The following FNDC3A variants were observed in gnomAD, a reference collection of about 807,000 sequenced individuals.
FNDC3A encodes fibronectin type-III domain-containing protein 3A.
Under a neutral mutation model 148.9 loss-of-function variants are expected in FNDC3A, and 32 were observed. The ratio of observed to expected loss-of-function variants is 0.21; its 90% CI spans 0.16 to 0.29. FNDC3A has a LOEUF of 0.29. Ranked by LOEUF, FNDC3A falls within the 10% of genes least tolerant of loss-of-function variation. The pLI is 1.00. For missense variants in FNDC3A, 1,191 were observed against 1,452.8 expected, an observed-to-expected ratio of 0.82 and a Z score of 2.93; for synonymous variants, 472 against 473.6, an observed-to-expected ratio of 1.00 and a Z score of 0.04.
At chr13:48,979,363 A>G (rs1047800366) in intron 1 of FNDC3A, among the ~76,000 whole-genome samples, 2 of 152,210 alleles carry the variant, frequency 1.3e-5, no homozygotes, top group African/African-American at 4.8e-5. Context: ...AAGTGAAGCC[A>G]GTGAGAGCTA....
rs753487762 is a variant in FNDC3A, at chr13:49,172,078, T to C, written c.1212T>C (p.Phe404=). ...ACAATGGTTCTAAAATCCAAAACTT[T>C]GTATTAGAATGGGATGAAGTAAGTA... ...PSDNGSKIQN[F]VLEWDEGKGN... Residue 404 remains phenylalanine, a synonymous_variant, in exon 11 of 26, where the codon TTT becomes TTC. Coordinates refer to ENST00000492622, the MANE Select transcript of FNDC3A (RefSeq NM_001079673.2). 7 of 1,603,398 alleles carry C rather than the reference T, an allele frequency of 4.4e-6. No individual in the cohort carries two copies. Among genetic ancestry groups the C allele is most frequent in the Admixed American group, 3.4e-5 (2 of 59,110 alleles).
intron 2 of FNDC3A, among the ~76,000 whole-genome samples, chr13:49,031,586 A>G (rs2137665075): frequency 6.6e-6 from 1 of 152,290 alleles, no homozygotes. Context: ...TCCACATGTA[A>G]AAGTATGAAA....
chr13:49,008,394 G>A (rs2137603706), intron 2 of FNDC3A, among the ~76,000 whole-genome samples: 1 of 152,254 alleles, frequency 6.6e-6, no homozygotes, highest in East Asian at 1.9e-4. Flanking sequence ...CTTACCTATG[G>A]AGATATGACA....
chr13:49,174,278 T>C (rs891581329), intron 11 of FNDC3A, among the ~76,000 whole-genome samples, 157 bp from the exon 12 acceptor site: 1 of 152,210 alleles, frequency 6.6e-6, no homozygotes, highest in African/African-American at 2.4e-5. Context: ...TTTGATGATC[T>C]ATATCATATA....
At chr13:49,152,230 T>G (rs1000604104) in intron 8 of FNDC3A, among the ~76,000 whole-genome samples, 10 of 152,192 alleles carry the variant, frequency 6.6e-5, no homozygotes, top group Admixed American at 4.6e-4. Flanking sequence ...ACATCCTCTC[T>G]AGCACCTGTT....
chr13:49,180,501 G>A (rs1044153454), intron 14 of FNDC3A, among the ~76,000 whole-genome samples: 1 of 151,990 alleles, frequency 6.6e-6, no homozygotes, highest in African/African-American at 2.4e-5. Flanking sequence ...AAATACCTGA[G>A]AAATAGGCAC....
At chr13:49,112,868 T>A (rs1880664799) in intron 3 of FNDC3A, among the ~76,000 whole-genome samples, 1 of 152,216 alleles carries the variant, frequency 6.6e-6, no homozygotes, top group Non-Finnish European at 1.5e-5. Flanking sequence ...AATAATATTC[T>A]GGACAACTTC....
intron 2 of FNDC3A, among the ~76,000 whole-genome samples, chr13:49,066,400 A>G (rs1256852425): frequency 1.3e-5 from 2 of 152,184 alleles, no homozygotes; most frequent in Admixed American, 6.5e-5. Context: ...TAACCTAAAG[A>G]GTATCTGGCA....
At chr13:49,063,176 G>T (rs1040194473) in intron 2 of FNDC3A, among the ~76,000 whole-genome samples, 1 of 152,112 alleles carries the variant, frequency 6.6e-6, no homozygotes, top group Non-Finnish European at 1.5e-5. Context: ...CACTGTGGGA[G>T]AATATAATAG....
intron 3 of FNDC3A, among the ~76,000 whole-genome samples, chr13:49,075,958 G>A (rs927432629): frequency 5.9e-5 from 9 of 151,850 alleles, no homozygotes; most frequent in Non-Finnish European, 8.8e-5. Context: ...TTTGGTCAGC[G>A]GGACTGTTCT....
intron 4 of FNDC3A, among the ~76,000 whole-genome samples, chr13:49,115,279 A>G (rs1290673767): frequency 6.6e-6 from 1 of 152,128 alleles, no homozygotes; most frequent in African/African-American, 2.4e-5. Context: ...AAGTATAGTA[A>G]TTTATGAACA....
intron 1 of FNDC3A, among the ~76,000 whole-genome samples, chr13:48,998,071 A>G (rs1183738975): frequency 6.6e-6 from 1 of 152,136 alleles, no homozygotes; most frequent in Admixed American, 6.5e-5. Context: ...GGCCATTCTG[A>G]TGAGGTCTCA....
At chr13:49,165,558 A>G (rs767652680) in intron 8 of FNDC3A, among the ~76,000 whole-genome samples, 1 of 152,080 alleles carries the variant, frequency 6.6e-6, no homozygotes, top group Non-Finnish European at 1.5e-5. Context: ...CAGTAGGGGC[A>G]GCAGCAGGCC....
At chr13:49,196,578 C>T (rs1886166487) in intron 19 of FNDC3A, among the ~76,000 whole-genome samples, 1 of 152,152 alleles carries the variant, frequency 6.6e-6, no homozygotes, top group Admixed American at 6.6e-5. Flanking sequence ...TATATTTCTC[C>T]TGAATTATTC....
intron 2 of FNDC3A, among the ~76,000 whole-genome samples, chr13:49,057,283 ATTC>A (rs749504752): frequency 1.4e-4 from 21 of 152,336 alleles, no homozygotes; most frequent in Non-Finnish European, 2.8e-4. Flanking sequence ...GGTTCTAATT[ATTC>A]TTTTACTAAA....
At chr13:49,179,486 A>G (rs1356796233) in intron 14 of FNDC3A, among the ~76,000 whole-genome samples, 2 of 152,160 alleles carry the variant, frequency 1.3e-5, no homozygotes, top group African/African-American at 4.8e-5. Flanking sequence ...TTTCATCCAT[A>G]GTTTTAACAC....
chr13:49,087,544 C>A (rs1394833621), intron 3 of FNDC3A, among the ~76,000 whole-genome samples: 1 of 151,826 alleles, frequency 6.6e-6, no homozygotes, highest in African/African-American at 2.4e-5. Context: ...GCTAGAGAAG[C>A]AAATTGACTT....
intron 2 of FNDC3A, among the ~76,000 whole-genome samples, chr13:49,063,645 A>AT (rs1877052041): frequency 6.6e-6 from 1 of 152,192 alleles, no homozygotes; most frequent in African/African-American, 2.4e-5. Context: ...GAAAATGAAG[A>AT]TAATGGGTGA....
At chr13:49,094,605 C>T (rs1021543354) in intron 3 of FNDC3A, among the ~76,000 whole-genome samples, 17 of 151,958 alleles carry the variant, frequency 1.1e-4, no homozygotes, top group African/African-American at 4.1e-4. Context: ...TAGTGATAAG[C>T]AACATAGACT....
Sources: gnomAD v4.1 joint callset for allele counts (sites outside exome capture counted in the v4.1 genomes callset) on GRCh38, gnomAD v4.1.1 for gene constraint, MANE v1.5 for transcripts, NCBI Gene and HGNC (gene_info 2026-07-23, HGNC 2026-07-21) for gene names.